Variants in ANO3 observed in about 807,000 individuals in gnomAD.
ANO3 encodes anoctamin 3.
A neutral mutation model predicts 144.8 loss-of-function variants in ANO3; 99 were observed. The ratio of observed to expected loss-of-function variants is 0.68; its 90% CI spans 0.58 to 0.81. The LOEUF is 0.81. Ranked by LOEUF, ANO3 falls within the 30% of genes least tolerant of loss-of-function variation. The probability of loss-of-function intolerance (pLI) is 0.00; values close to 1 mark genes in which losing one functional copy is unlikely to be tolerated. For missense variants in ANO3, 905 were observed against 1,202.2 expected (o/e 0.75, Z 3.66); for synonymous variants, 414 against 392.6 (o/e 1.05, Z -0.64).
rs768906083 is a variant in ANO3 at position 26,246,848 on chromosome 11, G to A, written c.154+57518G>A. On this transcript the variant is annotated intron_variant, in intron 1 of 27. Coordinates refer to the ANO3 transcript ENST00000672621. ...TCCAAGCCTTCTTGCCTACCTCCATGTAAGATGTGCCTTTGCTCCTCTTTC... is the reference window on the plus strand; with the variant it reads ...TCCAAGCCTTCTTGCCTACCTCCATATAAGATGTGCCTTTGCTCCTCTTTC... Among the ~76,000 whole-genome samples the A allele has an allele frequency of 3.1e-4, 47 of 152,118 alleles. 1 individual carries two copies. Among genetic ancestry groups the A allele is most frequent in the Non-Finnish European group, 5.6e-4 (38 of 68,022 alleles).
Position 26,634,188 on chromosome 11 carries a change from C to G in ANO3, c.1874-16C>G. 6.3e-7 allele frequency: 1 copy of G among 1,576,530 alleles called. No individual in the cohort carries two copies. Among genetic ancestry groups the G allele is most frequent in the Non-Finnish European group, 8.7e-7 (1 of 1,146,332 alleles). On this transcript the variant is annotated splice_polypyrimidine_tract_variant and intron_variant, in intron 18 of 26. Coordinates refer to ENST00000256737, the MANE Select transcript of ANO3 (RefSeq NM_031418.4). ...CCTCACCTCACCTGTGTCAATGCAA[C>G]CTGTGTTCCTTTTAGAATATCCTCG...
Position 26,371,173 on chromosome 11 carries a change from A to G in ANO3, c.46+38852A>G, listed in dbSNP as rs561074404. On this transcript the variant is annotated intron_variant, in intron 1 of 26. Coordinates refer to ENST00000256737, the MANE Select transcript of ANO3 (RefSeq NM_031418.4). The stretch of plus-strand genomic sequence containing the variant: ...GCAGTCTCAGGACATGGTGCCCTGT[A>G]TCCTAGCTGCTTCAGCTCCAGCCAT... Among the ~76,000 whole-genome samples the G allele has an allele frequency of 3.3e-5, 5 of 152,304 alleles. No homozygotes were observed. In the East Asian group the frequency reaches 9.7e-4, roughly 29 times the overall value.
intron 17 of ANO3, 53 bp downstream of exon 17, chr11:26,599,767 A>G: frequency 6.6e-7 from 1 of 1,521,820 alleles, no homozygotes; most frequent in South Asian, 1.2e-5. Flanking sequence ...TGGAAAGGGG[A>G]GAGGTCTATG....
At chr11:26,385,824 TACACACAC>T (rs71047847) in intron 1 of ANO3, among the ~76,000 whole-genome samples, 132 of 137,970 alleles carry the variant, frequency 9.6e-4, no homozygotes, top group East Asian at 1.9e-3. Flanking sequence ...TTCACACACA[TACACACAC>T]ACACACACAC....
In ANO3 at chr11:26,349,703, C is replaced by A. The variant is rs1455606839; in HGVS notation, c.46+17382C>A. ...AGCTGGGACCTCAGGCGCCCGCCACCGAGCCCGGCTAATTTTTTGTATTTT... is the reference window on the plus strand; with the variant it reads ...AGCTGGGACCTCAGGCGCCCGCCACAGAGCCCGGCTAATTTTTTGTATTTT... On this transcript the variant is annotated intron_variant, in intron 1 of 26. Transcript: ENST00000256737. Among the ~76,000 whole-genome samples the A allele has an allele frequency of 5.9e-5, 9 of 152,062 alleles. No individual in the cohort carries two copies. In the East Asian group the frequency reaches 1.7e-3, roughly 29 times the overall value.
At chr11:26,189,384 T>A (rs1851433401) in intron 1 of ANO3, 6 of 906,562 alleles carry the variant, frequency 6.6e-6, no homozygotes, top group African/African-American at 1.8e-5. Context: ...TGTTTGTACT[T>A]CTTTAATGTC....
rs575563784 is a variant in ANO3, at chr11:26,240,266, C to T, written c.154+50936C>T. Among the ~76,000 whole-genome samples the T allele has an allele frequency of 1.2e-4, 18 of 152,208 alleles. No homozygotes were observed. The East Asian group carries it at 1.3e-3, about 11-fold the overall frequency. Reference sequence around the variant, plus strand: ...ACTATAGTTTTCATCCTTGTGATGGCACTTGTGCATATGATATAAAGAACA... The same window carrying T: ...ACTATAGTTTTCATCCTTGTGATGGTACTTGTGCATATGATATAAAGAACA... On this transcript the variant is annotated intron_variant, in intron 1 of 27. Coordinates refer to the ANO3 transcript ENST00000672621.
At chr11:26,655,141 C>T (rs1353685467) in intron 24 of ANO3, among the ~76,000 whole-genome samples, 8 of 152,106 alleles carry the variant, frequency 5.3e-5, no homozygotes, top group Non-Finnish European at 1.2e-4. Context: ...CAAATCACTC[C>T]CACCCCCAGC....
chr11:26,425,201 T>G (rs1054079628), intron 1 of ANO3, among the ~76,000 whole-genome samples: 2 of 152,098 alleles, frequency 1.3e-5, no homozygotes, highest in African/African-American at 4.8e-5. Context: ...CACTGACAAT[T>G]AATATAAAAA....
chr11:26,646,323 T>TCATAAA (rs1460723728), intron 23 of ANO3, among the ~76,000 whole-genome samples: 1 of 152,100 alleles, frequency 6.6e-6, no homozygotes. Context: ...AAACATACAG[T>TCATAAA]CATAGCTATA....
intron 1 of ANO3, among the ~76,000 whole-genome samples, chr11:26,195,228 A>G (rs1851561353): frequency 6.6e-6 from 1 of 152,176 alleles, no homozygotes; most frequent in South Asian, 2.1e-4. Context: ...GAGGTCAGTA[A>G]TTTGTCTTGA....
At chr11:26,531,438 G>T (rs527319953) in intron 8 of ANO3, 102 bp downstream of exon 8, 1 of 1,312,630 alleles carries the variant, frequency 7.6e-7, no homozygotes, top group Non-Finnish European at 1.0e-6. Flanking sequence ...TACCAAATAC[G>T]TCAGAGAACT....
chr11:26,189,175 C>T, exon 1 of ANO3: 1 of 983,698 alleles, frequency 1.0e-6, no homozygotes, highest in Non-Finnish European at 1.2e-6. Flanking sequence ...GGGAATTTTG[C>T]AATGTCAGTT....
chr11:26,380,701 T>G (rs1856566181), intron 1 of ANO3, among the ~76,000 whole-genome samples: 1 of 152,014 alleles, frequency 6.6e-6, no homozygotes, highest in African/African-American at 2.4e-5. Context: ...CAGCACATAT[T>G]TAATATAAGA....
intron 14 of ANO3, among the ~76,000 whole-genome samples, chr11:26,584,813 CT>C (rs1219023199): frequency 2.0e-5 from 3 of 152,176 alleles, no homozygotes; most frequent in African/African-American, 7.2e-5. Context: ...CTCTATGATT[CT>C]GATAGTCTGT....
At chr11:26,375,192 G>A (rs533283937) in intron 1 of ANO3, among the ~76,000 whole-genome samples, 30 of 152,278 alleles carry the variant, frequency 2.0e-4, no homozygotes, top group African/African-American at 6.7e-4. Context: ...CTCATAAGGA[G>A]TACACAATCC....
chr11:26,188,962 A>G (rs1270205437), exon 1 of ANO3, among the ~76,000 whole-genome samples: 2 of 152,142 alleles, frequency 1.3e-5, no homozygotes, highest in Admixed American at 1.3e-4. Flanking sequence ...CATCCATCCT[A>G]TTGAAGTTAA....
chr11:26,393,319 G>A (rs1198860600), intron 1 of ANO3, among the ~76,000 whole-genome samples: 1 of 152,002 alleles, frequency 6.6e-6, no homozygotes, highest in East Asian at 1.9e-4. Context: ...ACCTTGTAAT[G>A]CTCAGTAAAT....
intron 14 of ANO3, among the ~76,000 whole-genome samples, chr11:26,582,888 A>G (rs1001165125): frequency 5.3e-5 from 8 of 152,348 alleles, no homozygotes; most frequent in Non-Finnish European, 1.0e-4. Context: ...TAAAGAAAGT[A>G]TATCAAATCA....
Sources: allele counts gnomAD v4.1 joint callset (sites outside exome capture counted in the v4.1 genomes callset), GRCh38; gene constraint gnomAD v4.1.1; transcripts MANE v1.5; gene names NCBI Gene and HGNC (gene_info 2026-07-23, HGNC 2026-07-21).